SLIT3: variants seen among roughly 807,000 people sequenced by gnomAD.
SLIT3 encodes the protein slit guidance ligand 3.
In SLIT3, 68 loss-of-function variants were observed where a neutral mutation model predicts 184.0. The observed-to-expected ratio is 0.37, with a 90% CI of 0.30 to 0.45. SLIT3 has a LOEUF of 0.45. Ranked by LOEUF, SLIT3 falls within the 20% of genes least tolerant of loss-of-function variation. The pLI is 1.00. For synonymous variants in SLIT3, 831 were observed against 828.6 expected (o/e 1.00, Z -0.05); for missense variants, 1,707 against 2,026.0 (o/e 0.84, Z 3.02).
intron 4 of SLIT3, among the ~76,000 whole-genome samples, chr5:169,000,407 A>C (rs1413407245): frequency 5.9e-5 from 9 of 151,338 alleles, no homozygotes; most frequent in African/African-American, 2.2e-4. Flanking sequence ...AAAAAAAAAA[A>C]AAAAAAAAAA....
chr5:168,820,972 C>T (rs952503535), intron 7 of SLIT3, among the ~76,000 whole-genome samples: 2 of 152,156 alleles, frequency 1.3e-5, no homozygotes, highest in Non-Finnish European at 2.9e-5. Context: ...ACCCCATACA[C>T]ACTTTAATTA....
intron 4 of SLIT3, among the ~76,000 whole-genome samples, chr5:168,934,379 C>T (rs1198448616): frequency 1.3e-5 from 2 of 152,210 alleles, no homozygotes; most frequent in Non-Finnish European, 2.9e-5. Flanking sequence ...CAATGATTCA[C>T]ATTTTCTCTG....
chr5:169,164,949 C>T (rs990504650), intron 4 of SLIT3, among the ~76,000 whole-genome samples: 21 of 152,354 alleles, frequency 1.4e-4, no homozygotes, highest in African/African-American at 5.0e-4. Flanking sequence ...CAGCAAGCAG[C>T]TTATTGCTGT....
chr5:169,239,918 C>T (rs1043142138), intron 3 of SLIT3, among the ~76,000 whole-genome samples: 1 of 152,020 alleles, frequency 6.6e-6, no homozygotes, highest in Non-Finnish European at 1.5e-5. Flanking sequence ...AAAGGCTATA[C>T]ATTTTCCTCT....
In SLIT3 at chr5:168,864,042, C is replaced by CAA. The variant is rs34983916; in HGVS notation, c.485+19221_485+19222dup. Among the ~76,000 whole-genome samples, 798 of 98,116 alleles carry CAA rather than the reference C, an allele frequency of 8.1e-3. 7 individuals are homozygous for CAA. The highest frequency in any genetic ancestry group is 0.023 in the African/African-American group (632 of 27,140). The allele number at this position is 98,116 out of a possible 152,430, so 64.4% of individuals were successfully genotyped here. On this transcript the variant is annotated intron_variant, in intron 5 of 35. Coordinates refer to ENST00000519560, the MANE Select transcript of SLIT3 (RefSeq NM_003062.4). ...GAAACCCCATCTCTATAAAAAAATA[C>CAA]AAAAAAAAAAAAAAAAAATTAGCTG...
intron 6 of SLIT3, among the ~76,000 whole-genome samples, chr5:168,835,563 C>G (rs1457390888): frequency 6.6e-6 from 1 of 151,658 alleles, no homozygotes. Flanking sequence ...AATCCCAGCG[C>G]TTTGGGAGGC....
chr5:169,123,211 T>C (rs976993085), intron 4 of SLIT3, among the ~76,000 whole-genome samples: 9 of 152,110 alleles, frequency 5.9e-5, no homozygotes, highest in Admixed American at 3.9e-4. Context: ...AGAATCTCTA[T>C]CAGAGCAACA....
intron 4 of SLIT3, among the ~76,000 whole-genome samples, chr5:169,173,216 G>A (rs183342913): frequency 6.6e-6 from 1 of 152,256 alleles, no homozygotes; most frequent in East Asian, 1.9e-4. Flanking sequence ...AGCCAAGATC[G>A]CGTCTTTGCA....
chr5:169,169,058 C>T (rs1461888252), intron 4 of SLIT3, among the ~76,000 whole-genome samples: 1 of 152,078 alleles, frequency 6.6e-6, no homozygotes, highest in Non-Finnish European at 1.5e-5. Context: ...TCACCTTTTT[C>T]TAACTCGCAC....
At chr5:168,874,225 C>T (rs1759648546) in intron 5 of SLIT3, among the ~76,000 whole-genome samples, 1 of 152,168 alleles carries the variant, frequency 6.6e-6, no homozygotes, top group African/African-American at 2.4e-5. Context: ...GTACTGCTGG[C>T]TTTAAAATAA....
chr5:168,935,542 A>G (rs931224728), intron 4 of SLIT3, among the ~76,000 whole-genome samples: 4 of 152,302 alleles, frequency 2.6e-5, no homozygotes, highest in African/African-American at 9.6e-5. Flanking sequence ...TAGCACCTCA[A>G]TAAGTATTAA....
rs533189730 is a variant in SLIT3 at position 169,255,649 on chromosome 5, C to T, written c.198-4190G>A. ...CTGTAATCCCAGCACTTTGGGAGGCCAAGCCGGGCGGATCACAAGGTCAAG... is the reference window on the plus strand; with the variant it reads ...CTGTAATCCCAGCACTTTGGGAGGCTAAGCCGGGCGGATCACAAGGTCAAG... On this transcript the variant is annotated intron_variant, in intron 1 of 35. Transcript: ENST00000519560. Among the ~76,000 whole-genome samples, 31 of 152,242 alleles carry T rather than the reference C, an allele frequency of 2.0e-4. 1 individual carries two copies. The South Asian group carries it at 6.4e-3, about 32-fold the overall frequency.
Position 168,669,931 on chromosome 5 carries a change from GC to G in SLIT3, c.4187del (p.Gly1396AlafsTer58). On this transcript the variant is annotated frameshift_variant, in exon 35 of 36. Transcript: ENST00000519560. LOFTEE classifies it high-confidence loss of function. ...TGTTGTCACACAAGTCCCCTCCATA[GC>G]CCTCGGCACACTTGCACATGTATGA... ...GTSYMCKCAE[G>X]YGGDLCDNKN... 1 of 1,614,152 alleles carries G rather than the reference GC, an allele frequency of 6.2e-7. No homozygotes were observed. The highest frequency in any genetic ancestry group is 8.5e-7 in the Non-Finnish European group (1 of 1,180,026).
chr5:168,891,881 G>A (rs1760476608), intron 4 of SLIT3, among the ~76,000 whole-genome samples: 1 of 152,188 alleles, frequency 6.6e-6, no homozygotes, highest in South Asian at 2.1e-4. Context: ...AGGAAGTCGG[G>A]CTGCATGTGG....
chr5:169,079,520 GGGAGGAGGAA>G (rs1229986091), intron 4 of SLIT3, among the ~76,000 whole-genome samples: 1 of 118,718 alleles, frequency 8.4e-6, no homozygotes, highest in Non-Finnish European at 1.7e-5. Context: ...AAGGAGGAGA[GGGAGGAGGAA>G]GGAGGAGGAG....
chr5:168,719,395 T>C (rs1415301214), intron 23 of SLIT3, among the ~76,000 whole-genome samples: 1 of 152,198 alleles, frequency 6.6e-6, no homozygotes, highest in Non-Finnish European at 1.5e-5. Context: ...TAGAAATGAC[T>C]TTATATAAAC....
intron 4 of SLIT3, among the ~76,000 whole-genome samples, chr5:168,916,242 G>C (rs1761430436): frequency 6.6e-6 from 1 of 152,238 alleles, no homozygotes; most frequent in Non-Finnish European, 1.5e-5. Context: ...TAGAATGCCA[G>C]CTGCATATTC....
chr5:169,132,659 T>C (rs1761349280), intron 4 of SLIT3, among the ~76,000 whole-genome samples: 1 of 152,164 alleles, frequency 6.6e-6, no homozygotes, highest in Admixed American at 6.5e-5. Flanking sequence ...AAAAAGCATG[T>C]TCCGTATCAA....
intron 4 of SLIT3, among the ~76,000 whole-genome samples, chr5:168,935,136 TCAAAAAAAAAAAA>T (rs1762113827): frequency 1.3e-5 from 1 of 77,708 alleles, no homozygotes; most frequent in Non-Finnish European, 2.5e-5. Flanking sequence ...AGACTCCGTC[TCAAAAAAAAAAAA>T]CAAAAAAAAA....
Sources: allele counts gnomAD v4.1 joint callset (sites outside exome capture counted in the v4.1 genomes callset), GRCh38; gene constraint gnomAD v4.1.1; transcripts MANE v1.5; gene names NCBI Gene and HGNC (gene_info 2026-07-23, HGNC 2026-07-21).